TP63: variants seen among roughly 807,000 people sequenced by gnomAD.
TP63 encodes the protein tumor protein 63.
In TP63, 17 loss-of-function variants were observed where a neutral mutation model predicts 82.8. The ratio of observed to expected loss-of-function variants is 0.21; its 90% CI spans 0.14 to 0.31. The LOEUF (loss-of-function observed/expected upper bound fraction) is 0.31. TP63 is among the 10% of genes least tolerant of loss of function. The pLI is 1.00. For missense variants in TP63, 648 were observed against 895.3 expected, an observed-to-expected ratio of 0.72 and a Z score of 3.52; for synonymous variants, 330 against 321.7, an observed-to-expected ratio of 1.03 and a Z score of -0.28.
At chr3:189,751,842 ATTTTGGC>A (rs999805379) in intron 3 of TP63, among the ~76,000 whole-genome samples, 3 of 152,080 alleles carry the variant, frequency 2.0e-5, no homozygotes, top group Non-Finnish European at 2.9e-5. Flanking sequence ...CTATTTGTCA[ATTTTGGC>A]TTTTGTTGCC....
At chr3:189,771,346 T>C (rs917067853) in intron 3 of TP63, among the ~76,000 whole-genome samples, 2 of 137,966 alleles carry the variant, frequency 1.4e-5, no homozygotes, top group African/African-American at 5.4e-5. Flanking sequence ...TATATTTATA[T>C]AATATATTAA....
chr3:189,622,569 T>C, the TP63 span, among the ~76,000 whole-genome samples: 1 of 152,236 alleles, frequency 6.6e-6, no homozygotes, highest in Non-Finnish European at 1.5e-5. Flanking sequence ...ATAAAAATTC[T>C]GGTTTTGAAG....
At chr3:189,802,230 T>G (rs1726389449) in intron 3 of TP63, among the ~76,000 whole-genome samples, 1 of 152,162 alleles carries the variant, frequency 6.6e-6, no homozygotes, top group Non-Finnish European at 1.5e-5. Flanking sequence ...ATGAATGCTT[T>G]TAAAGCCAGG....
chr3:189,831,175 A>T (rs548152962), intron 4 of TP63, among the ~76,000 whole-genome samples: 1 of 152,210 alleles, frequency 6.6e-6, no homozygotes, highest in Non-Finnish European at 1.5e-5. Flanking sequence ...ACTATCTGTG[A>T]CAACAACAAA....
intron 4 of TP63, among the ~76,000 whole-genome samples, chr3:189,854,785 G>T (rs568956651): frequency 6.6e-6 from 1 of 152,172 alleles, no homozygotes; most frequent in African/African-American, 2.4e-5. Context: ...ATCTATAGGG[G>T]AACATCGTTT....
rs183276465 is a variant in TP63, at chr3:189,852,267, T to C, written c.580-11965T>C. On this transcript the variant is annotated intron_variant, in intron 4 of 13. Transcript: ENST00000264731. ...CAAAATTGGCCTATTAATTCCAGTG[T>C]TACTTCATGTAATTTTTTTATTTGT... 4.9e-4 allele frequency among the ~76,000 whole-genome samples: 74 copies of C among 152,340 alleles called. 1 individual carries two copies. Among genetic ancestry groups the C allele is most frequent in the Admixed American group, 4.8e-3 (74 of 15,312 alleles).
At chr3:189,696,357 C>T (rs896785781) in intron 1 of TP63, among the ~76,000 whole-genome samples, 1 of 152,104 alleles carries the variant, frequency 6.6e-6, no homozygotes, top group African/African-American at 2.4e-5. Context: ...TAAGATTAAT[C>T]CTCATCTTTT....
chr3:189,648,871 A>G lies in TP63; in HGVS notation c.62+17294A>G, dbSNP rs1359759932. Among the ~76,000 whole-genome samples, 3 of 22,630 alleles carry G rather than the reference A, an allele frequency of 1.3e-4. No individual in the cohort carries two copies. In the Non-Finnish European group the frequency reaches 0.014, roughly 103 times the overall value. The allele number at this position is 22,630 out of a possible 152,430, so 14.8% of individuals were successfully genotyped here. The stretch of plus-strand genomic sequence containing the variant: ...AACTATTATTAGTTTCATTTTATAG[A>G]TAAAGAAACTGAAGGTTAGAGTGTT... On this transcript the variant is annotated intron_variant, in intron 1 of 13. Transcript: ENST00000264731.
the TP63 span, among the ~76,000 whole-genome samples, chr3:189,625,008 T>C: frequency 6.6e-6 from 1 of 151,970 alleles, no homozygotes; most frequent in Non-Finnish European, 1.5e-5. Context: ...CCCTAAAAAA[T>C]CCCACAGCCA....
intron 1 of TP63, among the ~76,000 whole-genome samples, chr3:189,632,517 C>CTAA (rs1177218828): frequency 6.6e-6 from 1 of 152,064 alleles, no homozygotes; most frequent in African/African-American, 2.4e-5. Flanking sequence ...ACGTAGAACA[C>CTAA]TAATGTGAGC....
Position 189,894,496 on chromosome 3 carries a change from G to A in TP63, c.2037G>A (p.Gly679=), listed in dbSNP as rs769138447. The change falls in exon 14 of 14, where the codon GGG becomes GGA. Residue 679 remains glycine (G), a synonymous_variant. Transcript: ENST00000264731. Reference sequence around the variant, plus strand: ...AGCAACAGCGCATCAAAGAGGAGGGGGAGTGAGCCTCACCATGTGAGCTCT... The same window carrying A: ...AGCAACAGCGCATCAAAGAGGAGGGAGAGTGAGCCTCACCATGTGAGCTCT... ...RNKQQRIKEE[G]E is the part of the protein sequence containing the mutation. 2 of 1,613,112 alleles carry A rather than the reference G, an allele frequency of 1.2e-6. No homozygotes were observed. Among genetic ancestry groups the A allele is most frequent in the Non-Finnish European group, 1.7e-6 (2 of 1,179,986 alleles).
intron 1 of TP63, among the ~76,000 whole-genome samples, chr3:189,682,225 G>A (rs1016126360): frequency 5.9e-5 from 9 of 151,732 alleles, no homozygotes; most frequent in Admixed American, 1.3e-4. Context: ...TTAATGAAGA[G>A]CATTAATAAT....
At chr3:189,863,099 C>T (rs143842488) in intron 4 of TP63, among the ~76,000 whole-genome samples, 4 of 152,226 alleles carry the variant, frequency 2.6e-5, no homozygotes, top group South Asian at 4.1e-4. Flanking sequence ...GTAACGAATC[C>T]GATTGCCACT....
At chr3:189,892,791 C>A (rs972156546) in intron 13 of TP63, among the ~76,000 whole-genome samples, 3 of 151,980 alleles carry the variant, frequency 2.0e-5, no homozygotes, top group African/African-American at 7.2e-5. Context: ...GACTCCGTCT[C>A]AAAAAATAAT....
At chr3:189,601,390 C>T in the TP63 span, among the ~76,000 whole-genome samples, 4 of 152,034 alleles carry the variant, frequency 2.6e-5, no homozygotes, top group Admixed American at 6.5e-5. Context: ...AACTTGGATG[C>T]GGAAGACCAG....
intron 4 of TP63, among the ~76,000 whole-genome samples, chr3:189,810,467 T>C (rs750066492): frequency 6.6e-6 from 1 of 152,166 alleles, no homozygotes; most frequent in Non-Finnish European, 1.5e-5. Flanking sequence ...TTTTTTTCCC[T>C]GTAAAATTTT....
chr3:189,827,310 G>A (rs570685897), intron 4 of TP63, among the ~76,000 whole-genome samples: 1 of 152,212 alleles, frequency 6.6e-6, no homozygotes, highest in East Asian at 1.9e-4. Flanking sequence ...AAAACTCATT[G>A]GAAGCATTAA....
chr3:189,669,376 G>T (rs570079055), intron 1 of TP63, among the ~76,000 whole-genome samples: 2 of 151,398 alleles, frequency 1.3e-5, no homozygotes, highest in African/African-American at 2.4e-5. Context: ...AAAGAAAAAT[G>T]TTAAATAATT....
intron 3 of TP63, among the ~76,000 whole-genome samples, chr3:189,802,327 G>A (rs1310462850): frequency 6.6e-6 from 1 of 152,186 alleles, no homozygotes; most frequent in Non-Finnish European, 1.5e-5. Flanking sequence ...GTGAAAGGTG[G>A]TTATCAGCTG....
Sources: gnomAD v4.1 joint callset for allele counts (sites outside exome capture counted in the v4.1 genomes callset) on GRCh38, gnomAD v4.1.1 for gene constraint, MANE v1.5 for transcripts, NCBI Gene and HGNC (gene_info 2026-07-23, HGNC 2026-07-21) for gene names.